The following TBCEL variants were observed in gnomAD, a reference collection of about 807,000 sequenced individuals.
TBCEL encodes tubulin folding cofactor E like, also known as tubulin-specific chaperone cofactor E-like protein.
A neutral mutation model predicts 44.2 loss-of-function variants in TBCEL; 15 were observed. The ratio of observed to expected loss-of-function variants is 0.34; its 90% CI spans 0.23 to 0.52. The LOEUF (loss-of-function observed/expected upper bound fraction) is 0.52. Among genes scored for constraint, TBCEL ranks in the 20% least tolerant of loss-of-function variants. The pLI is 0.95. For missense variants in TBCEL, 319 were observed against 506.3 expected (o/e 0.63, Z 3.55); for synonymous variants, 171 against 185.4 (o/e 0.92, Z 0.63).
chr11:121,029,913 C>T (rs188808471), intron 1 of TBCEL, among the ~76,000 whole-genome samples: 231 of 152,252 alleles, frequency 1.5e-3, no homozygotes, highest in Non-Finnish European at 2.8e-3. Context: ...CTGCTCTGCA[C>T]AAAACTGAAC....
chr11:121,053,469 C>T, intron 4 of TBCEL, 82 bp from the exon 5 acceptor site: 1 of 1,330,512 alleles, frequency 7.5e-7, no homozygotes, highest in South Asian at 1.4e-5. Context: ...TGGAGACCAG[C>T]TCCTCTAGGC....
chr11:121,060,537 C>A (rs187889300), intron 8 of TBCEL, among the ~76,000 whole-genome samples: 17 of 151,868 alleles, frequency 1.1e-4, no homozygotes, highest in Admixed American at 5.3e-4. Flanking sequence ...GGAAAATAGA[C>A]TCTTGAGGAA....
chr11:121,057,011 T>C (rs1287907240), intron 6 of TBCEL, among the ~76,000 whole-genome samples: 4 of 151,898 alleles, frequency 2.6e-5, no homozygotes, highest in African/African-American at 9.7e-5. Context: ...AACCTACAAC[T>C]GAAGAAACAT....
intron 8 of TBCEL, among the ~76,000 whole-genome samples, chr11:121,084,849 C>T (rs1373824721): frequency 6.6e-6 from 1 of 151,946 alleles, no homozygotes; most frequent in African/African-American, 2.4e-5. Context: ...AAAGATACCC[C>T]TAGACTTTGA....
chr11:121,027,717 T>G (rs2134870144), intron 1 of TBCEL, among the ~76,000 whole-genome samples: 1 of 152,354 alleles, frequency 6.6e-6, no homozygotes, highest in Non-Finnish European at 1.5e-5. Context: ...AAGTCTTTGT[T>G]GCTTATGTTG....
At chr11:121,039,199 A>G (rs1249614375) in intron 2 of TBCEL, among the ~76,000 whole-genome samples, 1 of 152,210 alleles carries the variant, frequency 6.6e-6, no homozygotes, top group East Asian at 1.9e-4. Context: ...TACAGCTGAT[A>G]ACACTTGTTT....
At position 121,041,764 on chromosome 11, in the gene TBCEL, G is replaced by C. The variant is rs181534792; in HGVS notation, c.-17-3910G>C. 4.7e-3 allele frequency among the ~76,000 whole-genome samples: 717 copies of C among 151,878 alleles called. 5 individuals carry two copies. Among genetic ancestry groups the C allele is most frequent in the Middle Eastern group, 0.017 (5 of 294 alleles). ...AAACTGCCCCAACAGATTTTGAGTAGAGTTACATTACCAATCCATTTCACA... is the reference window on the plus strand; with the variant it reads ...AAACTGCCCCAACAGATTTTGAGTACAGTTACATTACCAATCCATTTCACA... On this transcript the variant is annotated intron_variant, in intron 2 of 8. Coordinates refer to ENST00000683345, the MANE Select transcript of TBCEL (RefSeq NM_001363644.2).
At chr11:121,074,703 T>A (rs1253208829) in intron 8 of TBCEL, among the ~76,000 whole-genome samples, 4 of 151,876 alleles carry the variant, frequency 2.6e-5, no homozygotes, top group African/African-American at 9.7e-5. Flanking sequence ...AGTTCCATCA[T>A]CCAAAAAAAT....
At chr11:121,052,246 A>G (rs1945541684) in intron 4 of TBCEL, among the ~76,000 whole-genome samples, 1 of 151,886 alleles carries the variant, frequency 6.6e-6, no homozygotes, top group Non-Finnish European at 1.5e-5. Context: ...GAAGTAGGTA[A>G]GTACTATATC....
chr11:121,069,659 G>A lies in TBCEL; in HGVS notation c.956+9574G>A, dbSNP rs188580368. ...TACAAAAAATTAGTCAGGCGTGGTG[G>A]TGCATGCCTGTAGTCTCAGCTACTG... On this transcript the variant is annotated intron_variant, in intron 8 of 8. Coordinates refer to ENST00000683345, the MANE Select transcript of TBCEL (RefSeq NM_001363644.2). Among the ~76,000 whole-genome samples, 8 of 152,198 alleles carry A rather than the reference G, an allele frequency of 5.3e-5. No individual in the cohort carries two copies. The South Asian group carries it at 1.0e-3, about 20-fold the overall frequency.
chr11:121,088,169 C>T lies in TBCEL; in HGVS notation c.*1073C>T, dbSNP rs1946245332. On this transcript the variant is annotated 3_prime_UTR_variant, in exon 9 of 9. Transcript: ENST00000683345. ...GTGTCATCCATTGGAAGCCCTTGCT[C>T]TTGCACTTTGCATTAAAAGTGGGAA... The T allele has an allele frequency of 6.6e-6, 1 of 152,206 alleles. No homozygotes were observed. The highest frequency in any genetic ancestry group is 1.5e-5 in the Non-Finnish European group (1 of 68,042). 9.4% of individuals were successfully genotyped at this position (152,206 alleles called of 1,614,324 possible).
At chr11:121,048,411 A>T (rs1242227519) in intron 4 of TBCEL, among the ~76,000 whole-genome samples, 1 of 151,906 alleles carries the variant, frequency 6.6e-6, no homozygotes, top group East Asian at 1.9e-4. Context: ...ACATTCTCTT[A>T]TTATTATATG....
chr11:121,068,160 C>A (rs954637992), intron 8 of TBCEL, among the ~76,000 whole-genome samples: 3 of 152,210 alleles, frequency 2.0e-5, no homozygotes, highest in Non-Finnish European at 4.4e-5. Context: ...CGCTTTCCAG[C>A]TGCCTGCTTG....
Position 121,064,149 on chromosome 11 carries a change from C to T in TBCEL, c.956+4064C>T, listed in dbSNP as rs191738687. 2.5e-4 allele frequency among the ~76,000 whole-genome samples: 38 copies of T among 152,184 alleles called. 1 individual carries two copies. Among genetic ancestry groups the T allele is most frequent in the Admixed American group, 2.0e-3 (30 of 15,294 alleles). ...CAGACATGCCTTTGGGTTCTAAAGC[C>T]GCTAAACCTAGGAATATGAAATAAG... On this transcript the variant is annotated intron_variant, in intron 8 of 8. Transcript: ENST00000683345.
At chr11:121,035,297 G>T (rs952802892) in intron 1 of TBCEL, 14 of 152,208 alleles carry the variant, frequency 9.2e-5, no homozygotes, top group African/African-American at 2.9e-4. Flanking sequence ...GTGAAGAGGG[G>T]TAGACTTAGA....
At chr11:121,025,116 A>G (rs1356532234) in intron 1 of TBCEL, among the ~76,000 whole-genome samples, 1 of 152,206 alleles carries the variant, frequency 6.6e-6, no homozygotes, top group Non-Finnish European at 1.5e-5. Flanking sequence ...TGAACTGTAT[A>G]CAGTCAGTGG....
chr11:121,060,508 T>C (rs183287413), intron 8 of TBCEL, among the ~76,000 whole-genome samples: 94 of 152,016 alleles, frequency 6.2e-4, no homozygotes, highest in African/African-American at 2.2e-3. Context: ...TCACAAAATA[T>C]GAATATGAGA....
rs768768641 is a variant in TBCEL, at chr11:121,079,786, C to T, written c.957-6992C>T. ...ATGTTTTGAATGTACTTTTGAATCC[C>T]TCCCAATGCCTTGGGAAACAAACTC... On this transcript the variant is annotated intron_variant, in intron 8 of 8. Transcript: ENST00000683345. Among the ~76,000 whole-genome samples the T allele has an allele frequency of 3.3e-5, 5 of 152,156 alleles. No homozygotes were observed. In the East Asian group the frequency reaches 5.8e-4, roughly 18 times the overall value.
intron 1 of TBCEL, chr11:121,035,719 T>C (rs561648367): frequency 1.3e-5 from 2 of 152,286 alleles, no homozygotes; most frequent in East Asian, 1.9e-4. Flanking sequence ...GACCTTAAAC[T>C]TGTGTGTTCA....
Sources: gnomAD v4.1 joint callset for allele counts (sites outside exome capture counted in the v4.1 genomes callset) on GRCh38, gnomAD v4.1.1 for gene constraint, MANE v1.5 for transcripts, NCBI Gene and HGNC (gene_info 2026-07-23, HGNC 2026-07-21) for gene names.